The following TNFSF11 variants were observed in gnomAD, a reference collection of about 807,000 sequenced individuals.
The protein encoded by TNFSF11 is tumor necrosis factor ligand superfamily member 11.
A neutral mutation model predicts 32.2 loss-of-function variants in TNFSF11; 12 were observed. The observed-to-expected ratio is 0.37, with a 90% confidence interval of 0.24 to 0.60. The LOEUF is 0.60. Ranked by LOEUF, TNFSF11 falls within the 20% of genes least tolerant of loss-of-function variation. The pLI is 0.66. For synonymous variants in TNFSF11, 172 were observed against 152.1 expected, an observed-to-expected ratio of 1.13 and a Z score of -0.96; for missense variants, 345 against 398.0, an observed-to-expected ratio of 0.87 and a Z score of 1.13.
chr13:42,603,848 G>T (rs999860865), intron 4 of TNFSF11, among the ~76,000 whole-genome samples: 7 of 152,076 alleles, frequency 4.6e-5, no homozygotes, highest in Non-Finnish European at 8.8e-5. Context: ...TCTTAATTAC[G>T]GGCAGACTGC....
chr13:42,593,099 G>A lies in TNFSF11; in HGVS notation c.388-7653G>A, dbSNP rs75533180. On this transcript the variant is annotated intron_variant, in intron 2 of 4. Transcript: ENST00000398795. ...ACATGACCGGTCCCTCTGGAAACCA[G>A]ATCCCATTCTCCAAGGGTCACATCA... Among the ~76,000 whole-genome samples, 553 of 152,300 alleles carry A rather than the reference G, an allele frequency of 3.6e-3. 9 individuals carry two copies. The highest frequency in any genetic ancestry group is 0.014 in the Middle Eastern group (4 of 294).
intron 2 of TNFSF11, among the ~76,000 whole-genome samples, chr13:42,594,476 A>G (rs1465942914): frequency 1.3e-5 from 2 of 152,184 alleles, no homozygotes; most frequent in African/African-American, 4.8e-5. Flanking sequence ...TTGGAATGTT[A>G]TCAAAGTCTT....
Position 42,581,341 on chromosome 13 carries a change from C to G in TNFSF11, c.387+48C>G, listed in dbSNP as rs202100711. On this transcript the variant is annotated intron_variant, in intron 2 of 4. Transcript: ENST00000398795. The stretch of plus-strand genomic sequence containing the variant: ...AAGTCAAGGGCCCTTGCTGACTCTA[C>G]CAATACTGAAAATTAAAACTGGCTA... 4.8e-5 allele frequency: 77 copies of G among 1,603,618 alleles called. No homozygotes were observed. In the South Asian group the frequency reaches 8.4e-4, roughly 18 times the overall value.
chr13:42,581,696 A>G (rs9533161), intron 2 of TNFSF11, among the ~76,000 whole-genome samples: 122,604 of 152,016 alleles, frequency 0.81, 49,637 homozygotes, highest in South Asian at 0.88. Context: ...TCGTAATGGC[A>G]GGGCCCCTTA....
chr13:42,563,869 G>T (rs1872773882), intron 1 of TNFSF11, among the ~76,000 whole-genome samples: 1 of 152,186 alleles, frequency 6.6e-6, no homozygotes, highest in South Asian at 2.1e-4. Context: ...ATGAGTTAAT[G>T]TCTTTAATCA....
At chr13:42,568,843 A>G (rs985439041) in intron 2 of TNFSF11, among the ~76,000 whole-genome samples, 1 of 152,336 alleles carries the variant, frequency 6.6e-6, no homozygotes, top group Non-Finnish European at 1.5e-5. Context: ...TGTTATTAGC[A>G]TGAGGGGCTG....
intron 1 of TNFSF11, among the ~76,000 whole-genome samples, chr13:42,576,404 C>T (rs1352714838): frequency 6.6e-6 from 1 of 151,972 alleles, no homozygotes; most frequent in Non-Finnish European, 1.5e-5. Context: ...TCCCATCATC[C>T]TTTAGCAGTC....
chr13:42,604,234 T>A (rs1341327894), intron 4 of TNFSF11, among the ~76,000 whole-genome samples: 3 of 152,200 alleles, frequency 2.0e-5, no homozygotes, highest in African/African-American at 2.4e-5. Flanking sequence ...ATGGGAAACA[T>A]CTTGAATTTC....
At chr13:42,568,032 G>A (rs910955050) in intron 2 of TNFSF11, among the ~76,000 whole-genome samples, 1 of 152,238 alleles carries the variant, frequency 6.6e-6, no homozygotes, top group African/African-American at 2.4e-5. Flanking sequence ...CTCCTGATAA[G>A]AGACCACCAA....
intron 2 of TNFSF11, among the ~76,000 whole-genome samples, chr13:42,583,859 G>T (rs1186484454): frequency 1.3e-5 from 2 of 151,890 alleles, no homozygotes; most frequent in Admixed American, 6.6e-5. Flanking sequence ...AATATATATA[G>T]AGAAAAGAGG....
upstream of TNFSF11, among the ~76,000 whole-genome samples, chr13:42,573,845 G>A (rs375975997): frequency 6.6e-6 from 1 of 152,160 alleles, no homozygotes; most frequent in South Asian, 2.1e-4. Context: ...GAATGTCTGA[G>A]GTGCAATCCT....
chr13:42,578,859 A>G (rs1473269575), intron 1 of TNFSF11, among the ~76,000 whole-genome samples: 1 of 152,242 alleles, frequency 6.6e-6, no homozygotes, highest in Admixed American at 6.5e-5. Context: ...CTTTGTACTA[A>G]TTGATGTTAC....
rs578127658 is a variant in TNFSF11 at position 42,585,486 on chromosome 13, C to G, written c.387+4193C>G. On this transcript the variant is annotated intron_variant, in intron 2 of 4. Transcript: ENST00000398795. ...TGGGTTTTCTTGGCTTCCCCCACCCCCTTTAGCACAGAACTCTGAAAGCCT... is the reference window on the plus strand; with the variant it reads ...TGGGTTTTCTTGGCTTCCCCCACCCGCTTTAGCACAGAACTCTGAAAGCCT... Among the ~76,000 whole-genome samples, 8 of 152,296 alleles carry G rather than the reference C, an allele frequency of 5.3e-5. No homozygotes were observed. The South Asian group carries it at 1.5e-3, about 28-fold the overall frequency.
rs201875654 is a variant in TNFSF11, at chr13:42,607,280, T to C, written c.*362T>C. On this transcript the variant is annotated 3_prime_UTR_variant, in exon 5 of 5. Coordinates refer to ENST00000398795, the MANE Select transcript of TNFSF11 (RefSeq NM_003701.4). ...GTGGAGAGGGTGTCATCTAGCGCAA[T>C]TGAAGGATCATCTGAAGGGGCAAAT... The C allele has an allele frequency of 1.1e-4, 21 of 184,544 alleles. No individual in the cohort carries two copies. The highest frequency in any genetic ancestry group is 8.9e-4 in the South Asian group (6 of 6,772). The allele number at this position is 184,544 out of a possible 1,614,324, so 11.4% of individuals were successfully genotyped here. A position where few individuals can be genotyped will look rare whatever the true frequency, so the allele number is the denominator to read the frequency against.
chr13:42,594,698 GT>G (rs1264137898), intron 2 of TNFSF11, among the ~76,000 whole-genome samples: 1 of 152,130 alleles, frequency 6.6e-6, no homozygotes, highest in Non-Finnish European at 1.5e-5. Context: ...TCCTCCTTAA[GT>G]TTGGCAAATA....
upstream of TNFSF11, among the ~76,000 whole-genome samples, chr13:42,573,307 C>T (rs533188322): frequency 6.6e-6 from 1 of 152,132 alleles, no homozygotes; most frequent in South Asian, 2.1e-4. Context: ...CAACTTCCTT[C>T]TGAAGAAGTA....
At chr13:42,598,244 C>T (rs1226093699) in intron 2 of TNFSF11, among the ~76,000 whole-genome samples, 1 of 152,180 alleles carries the variant, frequency 6.6e-6, no homozygotes, top group Non-Finnish European at 1.5e-5. Context: ...TCCCCTTCCC[C>T]ATCTCTCCTC....
chr13:42,583,821 G>A (rs1234502342), intron 2 of TNFSF11, among the ~76,000 whole-genome samples: 3 of 152,010 alleles, frequency 2.0e-5, no homozygotes, highest in African/African-American at 4.8e-5. Context: ...GCCAGCTAAT[G>A]TAATTACACA....
chr13:42,573,938 A>G (rs1873165788), upstream of TNFSF11, among the ~76,000 whole-genome samples: 1 of 152,062 alleles, frequency 6.6e-6, no homozygotes, highest in African/African-American at 2.4e-5. Context: ...TGGCAAGGGG[A>G]GTCTGGAACC....
Sources: allele counts gnomAD v4.1 joint callset (sites outside exome capture counted in the v4.1 genomes callset), GRCh38; gene constraint gnomAD v4.1.1; transcripts MANE v1.5; gene names NCBI Gene and HGNC (gene_info 2026-07-23, HGNC 2026-07-21).